Variants in GMDS observed in about 807,000 individuals in gnomAD.
GMDS encodes GDP-mannose 4,6 dehydratase.
Under a neutral mutation model 49.9 loss-of-function variants are expected in GMDS, and 20 were observed. The observed-to-expected ratio is 0.40, with a 90% CI of 0.28 to 0.58. The LOEUF is 0.58. GMDS is among the 20% of genes least tolerant of loss of function. The pLI is 0.42. For missense variants in GMDS, 362 were observed against 481.4 expected, an observed-to-expected ratio of 0.75 and a Z score of 2.32; for synonymous variants, 177 against 178.6, an observed-to-expected ratio of 0.99 and a Z score of 0.07.
chr6:1,630,460 G>A (rs1004886050), intron 9 of GMDS, among the ~76,000 whole-genome samples: 2 of 152,220 alleles, frequency 1.3e-5, no homozygotes, highest in Non-Finnish European at 2.9e-5. Context: ...GTGGGGCCCA[G>A]CCCAGGAACA....
intron 1 of GMDS, among the ~76,000 whole-genome samples, chr6:2,181,799 C>G (rs192397877): frequency 4.6e-5 from 7 of 152,172 alleles, no homozygotes; most frequent in Non-Finnish European, 8.8e-5. Context: ...CAGGCCTCCC[C>G]CTTCCTTAGA....
chr6:1,987,870 C>G (rs2127357316), intron 4 of GMDS, among the ~76,000 whole-genome samples: 1 of 152,256 alleles, frequency 6.6e-6, no homozygotes, highest in East Asian at 1.9e-4. Flanking sequence ...TATGACAAGT[C>G]TGTGAGTCAG....
At chr6:1,805,087 T>C (rs1394940049) in intron 7 of GMDS, among the ~76,000 whole-genome samples, 1 of 152,196 alleles carries the variant, frequency 6.6e-6, no homozygotes, top group African/African-American at 2.4e-5. Context: ...TTGGAGCTGA[T>C]GGGTCTCTCT....
chr6:2,193,039 A>T (rs1370270956), intron 1 of GMDS, among the ~76,000 whole-genome samples: 1 of 152,118 alleles, frequency 6.6e-6, no homozygotes, highest in Non-Finnish European at 1.5e-5. Context: ...ATCCCTAAGG[A>T]GGGTTTTGGG....
At chr6:2,038,588 A>C (rs1769448823) in intron 4 of GMDS, among the ~76,000 whole-genome samples, 1 of 151,964 alleles carries the variant, frequency 6.6e-6, no homozygotes, top group African/African-American at 2.4e-5. Context: ...CACTGCAAAA[A>C]AAAACAGCTC....
intron 7 of GMDS, among the ~76,000 whole-genome samples, chr6:1,763,164 G>A (rs529328440): frequency 3.9e-5 from 6 of 152,326 alleles, no homozygotes; most frequent in Non-Finnish European, 5.9e-5. Flanking sequence ...GGACACGTGC[G>A]AAGATGCTGG....
chr6:1,852,482 C>T (rs1321069767), intron 7 of GMDS, among the ~76,000 whole-genome samples: 2 of 152,176 alleles, frequency 1.3e-5, no homozygotes, highest in African/African-American at 4.8e-5. Context: ...CATTTTCTGT[C>T]CTGTGCCTGA....
chr6:2,130,279 C>T (rs1775660595), intron 1 of GMDS, among the ~76,000 whole-genome samples: 1 of 152,120 alleles, frequency 6.6e-6, no homozygotes, highest in Non-Finnish European at 1.5e-5. Flanking sequence ...GAAATAACTC[C>T]CATCTCCTAT....
rs1339938820 is a variant in GMDS, at chr6:1,836,481, G to T, written c.771+93622C>A. ...CTATCATAGTATTTTCTATTATGTT[G>T]CTAGATAAAGACATTTTTAGAGTTT... On this transcript the variant is annotated intron_variant, in intron 7 of 10. Coordinates refer to ENST00000380815, the MANE Select transcript of GMDS (RefSeq NM_001500.4). This position sits in a 1 kb window ranked among gnomAD's most constrained non-coding sequence, Gnocchi z 4.2. Among the ~76,000 whole-genome samples, 1 of 152,172 alleles carries T rather than the reference G, an allele frequency of 6.6e-6. No individual in the cohort carries two copies. Among genetic ancestry groups the T allele is most frequent in the South Asian group, 2.1e-4 (1 of 4,832 alleles).
At chr6:1,953,013 A>G (rs1481742460) in intron 6 of GMDS, among the ~76,000 whole-genome samples, 2 of 152,224 alleles carry the variant, frequency 1.3e-5, no homozygotes, top group African/African-American at 4.8e-5. Context: ...AGGTTACTAC[A>G]TTGCCCAAAC....
chr6:2,238,776 G>A (rs1235022142), intron 1 of GMDS, among the ~76,000 whole-genome samples: 1 of 151,834 alleles, frequency 6.6e-6, no homozygotes, highest in African/African-American at 2.4e-5. Context: ...TCCCTGATTT[G>A]AACTTTACAA....
intron 1 of GMDS, among the ~76,000 whole-genome samples, chr6:2,144,266 T>G (rs1052434869): frequency 1.3e-5 from 2 of 152,132 alleles, no homozygotes; most frequent in African/African-American, 4.8e-5. Flanking sequence ...TCAGGTGTGG[T>G]CACAAGAGGC....
chr6:1,688,808 G>A (rs943582858), intron 9 of GMDS, among the ~76,000 whole-genome samples: 2 of 152,290 alleles, frequency 1.3e-5, no homozygotes, highest in Middle Eastern at 3.4e-3. Context: ...TTTTCCAATT[G>A]ACAGCATCTG....
At chr6:1,654,654 G>C (rs533377052) in intron 9 of GMDS, among the ~76,000 whole-genome samples, 1 of 152,304 alleles carries the variant, frequency 6.6e-6, no homozygotes, top group East Asian at 1.9e-4. Flanking sequence ...AAGAGTCCTG[G>C]AGATGGGTGG....
intron 7 of GMDS, among the ~76,000 whole-genome samples, chr6:1,776,875 G>A (rs1437645126): frequency 1.3e-5 from 2 of 152,164 alleles, no homozygotes; most frequent in Non-Finnish European, 2.9e-5. Flanking sequence ...TACGGGTGAA[G>A]ACTGACACTC....
chr6:1,939,558 TATATATACCTATATACATATATATAC>T (rs1762713882), intron 6 of GMDS, among the ~76,000 whole-genome samples: 13 of 144,420 alleles, frequency 9.0e-5, no homozygotes, highest in African/African-American at 3.3e-4. Context: ...TATATATACA[TATATATACCTATATACATATATATAC>T]ACACACACAC....
intron 1 of GMDS, among the ~76,000 whole-genome samples, chr6:2,147,711 T>C (rs1291350604): frequency 3.3e-5 from 5 of 151,536 alleles, no homozygotes; most frequent in African/African-American, 1.2e-4. Context: ...CTCACAGGGA[T>C]TCATTTCTTA....
At chr6:2,187,933 C>T (rs1778850868) in intron 1 of GMDS, among the ~76,000 whole-genome samples, 1 of 152,238 alleles carries the variant, frequency 6.6e-6, no homozygotes, top group Non-Finnish European at 1.5e-5. Context: ...TCCTAGGAAA[C>T]AATATCCACA....
intron 1 of GMDS, among the ~76,000 whole-genome samples, chr6:2,194,941 G>A (rs771254443): frequency 6.6e-6 from 1 of 152,286 alleles, no homozygotes; most frequent in East Asian, 1.9e-4. Context: ...ATGCTGCTCT[G>A]TCAGCCACAA....
Sources: gnomAD v4.1 joint callset for allele counts (sites outside exome capture counted in the v4.1 genomes callset) on GRCh38, gnomAD v4.1.1 for gene constraint, Gnocchi (gnomAD v3.1) non-coding constraint, MANE v1.5 for transcripts, NCBI Gene and HGNC (gene_info 2026-07-23, HGNC 2026-07-21) for gene names.